BMAL1: variants seen among roughly 807,000 people sequenced by gnomAD.
BMAL1 encodes the protein basic helix-loop-helix ARNT like 1.
the BMAL1 span, among the ~76,000 whole-genome samples, chr11:13,292,166 G>C: frequency 6.6e-6 from 1 of 152,058 alleles, no homozygotes; most frequent in Non-Finnish European, 1.5e-5. Flanking sequence ...AGCATAAATT[G>C]TCTTTGAGAT....
At chr11:13,363,651 G>A in the BMAL1 span, among the ~76,000 whole-genome samples, 1 of 152,222 alleles carries the variant, frequency 6.6e-6, no homozygotes. Flanking sequence ...TTAATAAAGT[G>A]TATGTCAGGG....
At chr11:13,344,981 C>T in the BMAL1 span, among the ~76,000 whole-genome samples, 1 of 152,358 alleles carries the variant, frequency 6.6e-6, no homozygotes, top group Non-Finnish European at 1.5e-5. Context: ...GCAACTCAAG[C>T]ACCCCTGCTG....
chr11:13,357,589 G>A, the BMAL1 span, among the ~76,000 whole-genome samples: 5 of 152,246 alleles, frequency 3.3e-5, no homozygotes, highest in East Asian at 3.9e-4. The surrounding 1 kb of genome is among the most constrained non-coding windows in gnomAD (Gnocchi z 4.8). Context: ...TTCCCATTGC[G>A]TCCTCAGTTC....
the BMAL1 span, among the ~76,000 whole-genome samples, chr11:13,297,289 C>G: frequency 2.0e-5 from 3 of 152,206 alleles, no homozygotes; most frequent in Admixed American, 6.5e-5. Context: ...TGAGACAAGA[C>G]AAGCCTGGAG....
At chr11:13,298,276 C>T in the BMAL1 span, among the ~76,000 whole-genome samples, 2 of 152,186 alleles carry the variant, frequency 1.3e-5, no homozygotes, top group Non-Finnish European at 2.9e-5. Context: ...ACACACCAGG[C>T]ATGCTTCCTG....
At chr11:13,366,579 A>T in the BMAL1 span, 2,825 of 1,191,374 alleles carry the variant, frequency 2.4e-3, 5 homozygotes, top group Non-Finnish European at 3.0e-3. Context: ...CACAAAGGCA[A>T]CATGCAGACT....
At chr11:13,361,827 A>G in the BMAL1 span, among the ~76,000 whole-genome samples, 1 of 152,094 alleles carries the variant, frequency 6.6e-6, no homozygotes, top group Admixed American at 6.6e-5. Flanking sequence ...GTAGCCAGGT[A>G]CCTTTGCCAG....
chr11:13,370,177 G>A, the BMAL1 span, among the ~76,000 whole-genome samples: 1 of 152,022 alleles, frequency 6.6e-6, no homozygotes, highest in Non-Finnish European at 1.5e-5. Context: ...TGGATTCCAT[G>A]AAACCACATT....
chr11:13,285,427 AAGTGCTAGG>A, the BMAL1 span, among the ~76,000 whole-genome samples: 1 of 152,200 alleles, frequency 6.6e-6, no homozygotes, highest in Non-Finnish European at 1.5e-5. Context: ...TTGTTGTGAG[AAGTGCTAGG>A]AGTGCTAGGA....
chr11:13,320,176 G>A, the BMAL1 span, among the ~76,000 whole-genome samples: 420 of 152,284 alleles, frequency 2.8e-3, 3 homozygotes, highest in African/African-American at 8.9e-3. Flanking sequence ...GTATCTCAAG[G>A]CTTCTTCTTA....
the BMAL1 span, among the ~76,000 whole-genome samples, chr11:13,307,543 C>T: frequency 0.023 from 3,464 of 152,290 alleles, 42 homozygotes; most frequent in Middle Eastern, 0.078. Flanking sequence ...ATGGAGGATT[C>T]CCCACTGCCA....
the BMAL1 span, among the ~76,000 whole-genome samples, chr11:13,315,211 T>G: frequency 5.9e-5 from 9 of 152,182 alleles, no homozygotes; most frequent in Non-Finnish European, 1.3e-4. Context: ...CTGCCTCCCC[T>G]TGTAGGGACT....
chr11:13,299,167 A>G, the BMAL1 span, among the ~76,000 whole-genome samples: 3 of 152,208 alleles, frequency 2.0e-5, no homozygotes, highest in African/African-American at 7.2e-5. Context: ...AACCACTTAA[A>G]TGAGAGTCTC....
the BMAL1 span, among the ~76,000 whole-genome samples, chr11:13,332,084 A>G: frequency 3.3e-5 from 5 of 152,312 alleles, no homozygotes; most frequent in East Asian, 5.8e-4. Context: ...CAGAGAGTAA[A>G]AGACAGTGAC....
the BMAL1 span, among the ~76,000 whole-genome samples, chr11:13,332,111 C>T: frequency 6.6e-6 from 1 of 152,140 alleles, no homozygotes; most frequent in Non-Finnish European, 1.5e-5. Flanking sequence ...GGATGTGAAC[C>T]ACCTACTACA....
the BMAL1 span, among the ~76,000 whole-genome samples, chr11:13,378,064 T>C: frequency 1.3e-5 from 2 of 152,164 alleles, no homozygotes; most frequent in Admixed American, 1.3e-4. Context: ...GCACATACAG[T>C]GGTCTTCAAT....
At chr11:13,354,595 G>A in the BMAL1 span, 172 of 1,098,692 alleles carry the variant, frequency 1.6e-4, no homozygotes, top group Non-Finnish European at 2.1e-4. Flanking sequence ...GTTGGTTTTT[G>A]GCTTTACCTT....
chr11:13,281,755 C>CT, the BMAL1 span, among the ~76,000 whole-genome samples: 12 of 152,206 alleles, frequency 7.9e-5, no homozygotes, highest in African/African-American at 2.2e-4. Flanking sequence ...AGTGACCCAC[C>CT]TGCACTGGCC....
the BMAL1 span, chr11:13,356,379 G>A: frequency 2.0e-6 from 1 of 509,316 alleles, no homozygotes; most frequent in Non-Finnish European, 3.8e-6. Context: ...GAATGATGGG[G>A]GGGGAGAATG....
Sources: gnomAD v4.1 joint callset for allele counts (sites outside exome capture counted in the v4.1 genomes callset) on GRCh38, gnomAD v4.1.1 for gene constraint, Gnocchi (gnomAD v3.1) non-coding constraint, MANE v1.5 for transcripts, NCBI Gene and HGNC (gene_info 2026-07-23, HGNC 2026-07-21) for gene names.